SPTLC3: variants seen among roughly 807,000 people sequenced by gnomAD.
The protein encoded by SPTLC3 is serine palmitoyltransferase long chain base subunit 3, also known as serine palmitoyltransferase 3.
SPTLC3 carries 36 observed loss-of-function variants against 59.3 expected under a neutral mutation model. That is an observed-to-expected ratio of 0.61 (90% CI 0.47 to 0.80). The LOEUF is 0.80. Ranked by LOEUF, SPTLC3 falls within the 30% of genes least tolerant of loss-of-function variation. The pLI is 0.00. For missense variants in SPTLC3, 625 were observed against 685.1 expected, an observed-to-expected ratio of 0.91 and a Z score of 0.98; for synonymous variants, 257 against 240.8, an observed-to-expected ratio of 1.07 and a Z score of -0.62.
chr20:13,131,057 G>C (rs1020392048), intron 9 of SPTLC3, among the ~76,000 whole-genome samples: 2 of 152,170 alleles, frequency 1.3e-5, no homozygotes, highest in African/African-American at 4.8e-5. Context: ...AAAGATCGCA[G>C]CTCAGTCGTT....
chr20:13,051,907 A>T (rs567152320), intron 2 of SPTLC3, among the ~76,000 whole-genome samples: 2 of 152,124 alleles, frequency 1.3e-5, no homozygotes, highest in Non-Finnish European at 2.9e-5. Context: ...TAATGACATA[A>T]CTTATCAAAA....
chr20:13,146,471 G>A (rs2038513027), intron 9 of SPTLC3, among the ~76,000 whole-genome samples: 1 of 152,020 alleles, frequency 6.6e-6, no homozygotes. Context: ...GTTCCCAGAA[G>A]GCCCTCAGCT....
At chr20:13,121,897 T>G (rs551605611) in intron 8 of SPTLC3, among the ~76,000 whole-genome samples, 110 of 152,336 alleles carry the variant, frequency 7.2e-4, no homozygotes, top group African/African-American at 2.4e-3. Context: ...TTATTCAAAC[T>G]AAGAAGGCTC....
chr20:13,120,394 G>A (rs1990834408), intron 8 of SPTLC3, among the ~76,000 whole-genome samples: 1 of 152,172 alleles, frequency 6.6e-6, no homozygotes, highest in South Asian at 2.1e-4. Context: ...CAGACTTGCT[G>A]TTTTTCTGAA....
chr20:13,050,438 T>G (rs2122503038), intron 2 of SPTLC3: 1 of 152,240 alleles, frequency 6.6e-6, no homozygotes, highest in Non-Finnish European at 1.5e-5. Flanking sequence ...TGGGATTATG[T>G]TAAACAACCA....
intron 9 of SPTLC3, among the ~76,000 whole-genome samples, chr20:13,144,902 G>A (rs545876079): frequency 1.7e-4 from 26 of 152,104 alleles, no homozygotes; most frequent in Non-Finnish European, 2.5e-4. Flanking sequence ...AGCCTCCCAA[G>A]TAGCTGGGAC....
chr20:13,144,512 A>C (rs1425063174), intron 9 of SPTLC3, among the ~76,000 whole-genome samples: 2 of 152,256 alleles, frequency 1.3e-5, no homozygotes, highest in Non-Finnish European at 2.9e-5. Context: ...ATATAGAGGC[A>C]GATAGAACCT....
intron 1 of SPTLC3, among the ~76,000 whole-genome samples, chr20:13,025,804 T>C (rs1198701799): frequency 1.3e-5 from 2 of 152,154 alleles, no homozygotes; most frequent in Non-Finnish European, 2.9e-5. Flanking sequence ...CACAGCAGTT[T>C]GTTGTACTTA....
intron 1 of SPTLC3, among the ~76,000 whole-genome samples, chr20:13,035,351 G>T (rs142757545): frequency 2.0e-5 from 3 of 152,036 alleles, no homozygotes; most frequent in Non-Finnish European, 2.9e-5. Context: ...AGATTTCAGC[G>T]GCCTGAACAA....
rs1311347167 is a variant in SPTLC3, at chr20:13,135,485, T to C, written c.1279+8768T>C. On this transcript the variant is annotated intron_variant, in intron 9 of 11. Coordinates refer to ENST00000399002, the MANE Select transcript of SPTLC3 (RefSeq NM_018327.4). The stretch of plus-strand genomic sequence containing the variant: ...GATGATCTGCTTAACCTGATGCATC[T>C]AGTGAATATTAGATATTAAGATTCT... Among the ~76,000 whole-genome samples the C allele has an allele frequency of 4.6e-5, 7 of 152,214 alleles. No homozygotes were observed. In the East Asian group the frequency reaches 9.6e-4, roughly 21 times the overall value.
At chr20:13,010,725 G>A (rs1985197558) in intron 1 of SPTLC3, among the ~76,000 whole-genome samples, 1 of 152,186 alleles carries the variant, frequency 6.6e-6, no homozygotes, top group Non-Finnish European at 1.5e-5. Flanking sequence ...CCTCTGGAAT[G>A]CCTGTAACTC....
At chr20:13,114,980 G>C (rs1990452516) in intron 7 of SPTLC3, among the ~76,000 whole-genome samples, 1 of 152,204 alleles carries the variant, frequency 6.6e-6, no homozygotes, top group Non-Finnish European at 1.5e-5. Flanking sequence ...AATAATTCAA[G>C]TCCCTGCACA....
intron 10 of SPTLC3, 31 bp from the exon 11 acceptor site, chr20:13,159,970 CTT>C (rs76977323): frequency 1.8e-5 from 21 of 1,163,740 alleles, no homozygotes; most frequent in Admixed American, 4.8e-5. Context: ...CAACTAACCA[CTT>C]TTTTTTTTTC....
intron 2 of SPTLC3, among the ~76,000 whole-genome samples, chr20:13,060,271 CGCATCTAA>C (rs1204304707): frequency 6.6e-6 from 1 of 152,074 alleles, no homozygotes; most frequent in African/African-American, 2.4e-5. Flanking sequence ...TACGCAAAAT[CGCATCTAA>C]GTTTGGGTGC....
rs13044824 is a variant in SPTLC3 at position 13,042,526 on chromosome 20, C to A, written c.118-6419C>A. 3.9e-5 allele frequency among the ~76,000 whole-genome samples: 6 copies of A among 152,204 alleles called. No homozygotes were observed. In the South Asian group the frequency reaches 8.3e-4, roughly 21 times the overall value. The stretch of plus-strand genomic sequence containing the variant: ...GTCTGATATAGAGTCTCTACCCTAC[C>A]AGTGGGTGTTCATTAGAGGAAGTAA... On this transcript the variant is annotated intron_variant, in intron 1 of 11. Coordinates refer to ENST00000399002, the MANE Select transcript of SPTLC3 (RefSeq NM_018327.4).
At chr20:13,101,044 A>G (rs1989583701) in intron 6 of SPTLC3, among the ~76,000 whole-genome samples, 2 of 152,220 alleles carry the variant, frequency 1.3e-5, no homozygotes, top group Non-Finnish European at 2.9e-5. Flanking sequence ...TGCATTGTCA[A>G]GCAAGTGACC....
At chr20:13,093,987 C>A (rs1989323121) in intron 6 of SPTLC3, among the ~76,000 whole-genome samples, 1 of 152,154 alleles carries the variant, frequency 6.6e-6, no homozygotes, top group African/African-American at 2.4e-5. Context: ...TGCCTCCTTT[C>A]ACTTTGCCCA....
At chr20:13,040,475 C>G (rs1364431361) in intron 1 of SPTLC3, among the ~76,000 whole-genome samples, 1 of 152,068 alleles carries the variant, frequency 6.6e-6, no homozygotes, top group Non-Finnish European at 1.5e-5. Flanking sequence ...TCCCCTGCCT[C>G]AGCCTCCCAA....
At chr20:13,157,889 A>T (rs2038811062) in intron 10 of SPTLC3, among the ~76,000 whole-genome samples, 1 of 152,194 alleles carries the variant, frequency 6.6e-6, no homozygotes, top group African/African-American at 2.4e-5. Flanking sequence ...TTGGTCATTT[A>T]AAAACCTTTG....
Sources: allele counts gnomAD v4.1 joint callset (sites outside exome capture counted in the v4.1 genomes callset), GRCh38; gene constraint gnomAD v4.1.1; transcripts MANE v1.5; gene names NCBI Gene and HGNC (gene_info 2026-07-23, HGNC 2026-07-21).